The following SI variants were observed in gnomAD, a reference collection of about 807,000 sequenced individuals.
SI encodes sucrase-isomaltase, also known as sucrase-isomaltase, intestinal.
A neutral mutation model predicts 253.3 loss-of-function variants in SI; 235 were observed. The ratio of observed to expected loss-of-function variants is 0.93; its 90% CI spans 0.83 to 1.03. SI has a LOEUF of 1.03. Ranked by LOEUF, SI falls within the 50% of genes least tolerant of loss-of-function variation. The pLI, the probability that SI is intolerant of heterozygous loss-of-function variation, is 0.00. For missense variants in SI, 2,442 were observed against 2,211.1 expected (o/e 1.10, Z -2.09); for synonymous variants, 819 against 712.0 (o/e 1.15, Z -2.39).
intron 28 of SI, 38 bp from the exon 29 acceptor site, chr3:165,018,104 A>T: frequency 9.0e-7 from 1 of 1,114,882 alleles, no homozygotes; most frequent in Non-Finnish European, 1.4e-6. Context: ...ATTTTAAGTA[A>T]CAATAGCATG....
chr3:165,082,423 C>A (rs1291309300), upstream of SI, among the ~76,000 whole-genome samples: 1 of 151,910 alleles, frequency 6.6e-6, no homozygotes, highest in Non-Finnish European at 1.5e-5. Context: ...CACCTCTCAC[C>A]ACAAAATAAT....
chr3:165,089,176 A>G, the SI span, among the ~76,000 whole-genome samples: 2 of 151,838 alleles, frequency 1.3e-5, no homozygotes. Context: ...AATTTAAATC[A>G]GAAGATACAA....
intron 32 of SI, 32 bp from the exon 33 acceptor site, chr3:165,015,265 AC>A (rs1277854093): frequency 6.7e-7 from 1 of 1,502,810 alleles, no homozygotes; most frequent in Non-Finnish European, 9.3e-7. Context: ...AACAAGGTAC[AC>A]ATGAAAAAAG....
intron 20 of SI, 64 bp from the exon 21 acceptor site, chr3:165,038,088 G>A: frequency 1.4e-6 from 2 of 1,409,100 alleles, no homozygotes; most frequent in Non-Finnish European, 2.0e-6. Flanking sequence ...TATTTCACAA[G>A]AATTAAAAGG....
intron 8 of SI, 91 bp downstream of exon 8, chr3:165,063,351 T>C: frequency 4.5e-6 from 3 of 669,932 alleles, no homozygotes; most frequent in Non-Finnish European, 8.1e-6. Flanking sequence ...GAGTTTACTC[T>C]CACATACAAT....
intron 44 of SI, 45 bp from the exon 45 acceptor site, chr3:164,987,271 C>T (rs1350891079): frequency 6.8e-7 from 1 of 1,475,842 alleles, no homozygotes; most frequent in African/African-American, 1.4e-5. Flanking sequence ...TGTAGAATAG[C>T]ATATGTCTAG....
intron 27 of SI, among the ~76,000 whole-genome samples, chr3:165,020,929 TATC>T (rs1171030162): frequency 6.6e-6 from 1 of 151,632 alleles, no homozygotes; most frequent in Non-Finnish European, 1.5e-5. Flanking sequence ...TGCCAACACT[TATC>T]ATGCTTTTTA....
intron 31 of SI, 88 bp from the exon 32 acceptor site, chr3:165,016,168 A>T: frequency 8.2e-7 from 1 of 1,222,574 alleles, no homozygotes; most frequent in Non-Finnish European, 1.2e-6. Flanking sequence ...AAGTAACAGC[A>T]ATATGAAAGT....
intron 34 of SI, among the ~76,000 whole-genome samples, chr3:165,012,424 T>C (rs910450368): frequency 1.5e-4 from 23 of 151,998 alleles, no homozygotes; most frequent in African/African-American, 4.6e-4. Context: ...TTTTTTGTCG[T>C]TGTTGTTTTG....
At chr3:165,079,286 AT>A (rs1476890643), upstream of SI, among the ~76,000 whole-genome samples, 4 of 151,816 alleles carry the variant, frequency 2.6e-5, no homozygotes, top group South Asian at 6.2e-4. Context: ...AAAGAATTAT[AT>A]GAGCTAATAT....
At chr3:165,074,711 T>C (rs1201365053) in intron 2 of SI, 44 bp from the exon 3 acceptor site, 2 of 1,497,236 alleles carry the variant, frequency 1.3e-6, no homozygotes, top group East Asian at 2.3e-5. Context: ...TGACATTAAA[T>C]TAATTTTCTC....
rs1013326383 is a variant in SI, at chr3:165,046,836, C to G, written c.1887+5G>C. 1.2e-6 allele frequency: 2 copies of G among 1,608,482 alleles called. No individual in the cohort carries two copies. The highest frequency in any genetic ancestry group is 2.2e-5 in the East Asian group (1 of 44,732). On this transcript the variant is annotated splice_donor_5th_base_variant and intron_variant, in intron 16 of 47. Transcript: ENST00000264382. ...TATGAGTAACACTCTATGAAACTGT[C>G]TTACCAAAGGTATTCCAAACAAACT...
At chr3:165,074,320 C>T (rs1249052052) in intron 3 of SI, 1 of 281,984 alleles carries the variant, frequency 3.5e-6, no homozygotes, top group African/African-American at 2.2e-5. Context: ...TGAATATTAA[C>T]TTGTTAATTT....
upstream of SI, among the ~76,000 whole-genome samples, chr3:165,080,495 A>G (rs1316300139): frequency 5.3e-5 from 8 of 152,172 alleles, no homozygotes; most frequent in Non-Finnish European, 1.0e-4. Context: ...AAGACTTGGA[A>G]CCAACCCAAA....
At chr3:165,084,708 G>C in the SI span, among the ~76,000 whole-genome samples, 5 of 151,592 alleles carry the variant, frequency 3.3e-5, no homozygotes, top group Non-Finnish European at 7.4e-5. Context: ...TTTATTCTAG[G>C]AAATTTATTA....
chr3:165,021,384 C>G lies in SI; in HGVS notation c.3100-1G>C. 2 of 1,608,858 alleles carry G rather than the reference C, an allele frequency of 1.2e-6. No individual in the cohort carries two copies. Among genetic ancestry groups the G allele is most frequent in the Non-Finnish European group, 1.7e-6 (2 of 1,176,166 alleles). ...ATCTCTTCTTTTGGGGATCATAAATCTATTGCAGATAAGTAGTAAAAAAGT... is the reference window on the plus strand; with the variant it reads ...ATCTCTTCTTTTGGGGATCATAAATGTATTGCAGATAAGTAGTAAAAAAGT... On this transcript the variant is annotated splice_acceptor_variant, in intron 26 of 47. Transcript: ENST00000264382. LOFTEE classifies it high-confidence loss of function.
chr3:165,082,980 G>T (rs1217448639), upstream of SI, among the ~76,000 whole-genome samples: 1 of 151,946 alleles, frequency 6.6e-6, no homozygotes, highest in Non-Finnish European at 1.5e-5. Context: ...GAGCAATTCA[G>T]TAACATAGTT....
chr3:164,987,507 G>C (rs1182480007), intron 44 of SI, among the ~76,000 whole-genome samples: 1 of 152,104 alleles, frequency 6.6e-6, no homozygotes, highest in Non-Finnish European at 1.5e-5. Context: ...TCAGGAGTTC[G>C]AGACCATCCT....
At chr3:165,023,925 T>C in intron 25 of SI, 149 bp from the exon 26 acceptor site, 1 of 663,552 alleles carries the variant, frequency 1.5e-6, no homozygotes, top group Non-Finnish European at 2.7e-6. Context: ...ACAAAATATA[T>C]TTTATGCAAT....
Sources: gnomAD v4.1 joint callset for allele counts (sites outside exome capture counted in the v4.1 genomes callset) on GRCh38, gnomAD v4.1.1 for gene constraint, MANE v1.5 for transcripts, NCBI Gene and HGNC (gene_info 2026-07-23, HGNC 2026-07-21) for gene names.